Variants in NHSL1 observed in about 807,000 individuals in gnomAD.
NHSL1 encodes NHS like 1, also known as NHS-like protein 1.
In NHSL1, 48 loss-of-function variants were observed where a neutral mutation model predicts 95.0. That is an observed-to-expected ratio of 0.51 (90% confidence interval 0.40 to 0.64). NHSL1 has a LOEUF of 0.64. Ranked by LOEUF, NHSL1 falls within the 30% of genes least tolerant of loss-of-function variation. The pLI is 0.00. For missense variants in NHSL1, 1,971 were observed against 2,077.7 expected, an observed-to-expected ratio of 0.95 and a Z score of 1.00; for synonymous variants, 783 against 833.9, an observed-to-expected ratio of 0.94 and a Z score of 1.05.
intron 1 of NHSL1, among the ~76,000 whole-genome samples, chr6:138,559,046 C>G (rs532154498): frequency 1.3e-5 from 2 of 151,396 alleles, no homozygotes; most frequent in East Asian, 3.9e-4. Context: ...GAGACTCTAT[C>G]TCTTTAAAAA....
chr6:138,563,459 T>C (rs1035337042), intron 1 of NHSL1, among the ~76,000 whole-genome samples: 1 of 152,190 alleles, frequency 6.6e-6, no homozygotes, highest in Non-Finnish European at 1.5e-5. Context: ...CTTCCACAAC[T>C]GGAAATTCTA....
intron 1 of NHSL1, among the ~76,000 whole-genome samples, chr6:138,679,988 AT>A (rs915066902): frequency 2.6e-5 from 4 of 152,056 alleles, no homozygotes; most frequent in African/African-American, 9.7e-5. Flanking sequence ...CTAGGTTATG[AT>A]TTTTTTCTTC....
chr6:138,671,436 C>A (rs148126105), intron 1 of NHSL1, among the ~76,000 whole-genome samples: 41 of 146,756 alleles, frequency 2.8e-4, no homozygotes, highest in African/African-American at 1.0e-3. Flanking sequence ...GGCAACAGAG[C>A]GAGAATCTGT....
intron 2 of NHSL1, among the ~76,000 whole-genome samples, chr6:138,475,074 G>C (rs538529224): frequency 2.6e-5 from 4 of 151,866 alleles, no homozygotes; most frequent in South Asian, 4.2e-4. Flanking sequence ...GCTTGAACCC[G>C]GGAGGCAGAA....
chr6:138,445,565 A>G (rs905605877), intron 4 of NHSL1, among the ~76,000 whole-genome samples: 9 of 152,354 alleles, frequency 5.9e-5, no homozygotes, highest in African/African-American at 2.2e-4. Context: ...AATTGAAAAT[A>G]ATTCATGCAC....
chr6:138,671,406 C>T (rs1435043710), intron 1 of NHSL1, among the ~76,000 whole-genome samples: 13 of 150,658 alleles, frequency 8.6e-5, no homozygotes, highest in African/African-American at 2.2e-4. Context: ...GCCAAGATCG[C>T]GCCACTGCAC....
chr6:138,474,381 T>C (rs1778941051), intron 2 of NHSL1, among the ~76,000 whole-genome samples: 1 of 152,182 alleles, frequency 6.6e-6, no homozygotes, highest in Non-Finnish European at 1.5e-5. Context: ...TCAGAGTTCC[T>C]TTCTGACATC....
At chr6:138,635,090 A>G (rs1784870779) in intron 1 of NHSL1, among the ~76,000 whole-genome samples, 1 of 151,900 alleles carries the variant, frequency 6.6e-6, no homozygotes, top group African/African-American at 2.4e-5. Flanking sequence ...AAAAAAAAAA[A>G]ACTTCAAATA....
rs189532877 is a variant in NHSL1 at position 138,480,412 on chromosome 6, A to T, written c.212-6979T>A. ...AAAAATCCATATAAGTGGACCCTCC[A>T]AGTTCAAATGTGTTGTGTTCAAGGG... is the stretch of plus-strand genomic sequence containing the variant. On this transcript the variant is annotated intron_variant, in intron 2 of 7. Transcript: ENST00000343505. 2.6e-5 allele frequency among the ~76,000 whole-genome samples: 4 copies of T among 152,288 alleles called. No individual in the cohort carries two copies. In the East Asian group the frequency reaches 7.7e-4, roughly 29 times the overall value.
chr6:138,564,259 T>G (rs1005248008), intron 1 of NHSL1, among the ~76,000 whole-genome samples: 1 of 152,194 alleles, frequency 6.6e-6, no homozygotes, highest in African/African-American at 2.4e-5. Context: ...CTGAATGGTC[T>G]TCTGTCCTCT....
chr6:138,437,422 A>C (rs1776238249), intron 5 of NHSL1, among the ~76,000 whole-genome samples: 2 of 34,352 alleles, frequency 5.8e-5, no homozygotes, highest in African/African-American at 2.4e-4. Context: ...ATACACACAC[A>C]CACACACACA....
chr6:138,504,281 T>C (rs1198655370), upstream of NHSL1, among the ~76,000 whole-genome samples: 1 of 152,188 alleles, frequency 6.6e-6, no homozygotes, highest in Non-Finnish European at 1.5e-5. Flanking sequence ...ACGTATTCGC[T>C]GCCTTGTGTT....
intron 3 of NHSL1, among the ~76,000 whole-genome samples, chr6:138,453,754 C>T (rs2128226534): frequency 1.3e-5 from 2 of 152,052 alleles, no homozygotes; most frequent in Admixed American, 1.3e-4. Context: ...CTGCACATTG[C>T]CCAGGCTGGT....
At chr6:138,522,503 G>A (rs1244863664) in intron 1 of NHSL1, among the ~76,000 whole-genome samples, 3 of 152,156 alleles carry the variant, frequency 2.0e-5, no homozygotes, top group Non-Finnish European at 2.9e-5. Context: ...TTACTGAGCC[G>A]TGGTGGCAAG....
intron 1 of NHSL1, among the ~76,000 whole-genome samples, chr6:138,659,349 C>A (rs927511091): frequency 6.6e-6 from 1 of 152,078 alleles, no homozygotes; most frequent in Non-Finnish European, 1.5e-5. Context: ...GGTGCCCAGC[C>A]TAGACTGTAA....
intron 1 of NHSL1, among the ~76,000 whole-genome samples, chr6:138,507,303 G>A (rs1781011053): frequency 6.6e-6 from 1 of 152,194 alleles, no homozygotes; most frequent in Admixed American, 6.5e-5. Context: ...AAATAAAAGA[G>A]CTGGAAGAAA....
upstream of NHSL1, among the ~76,000 whole-genome samples, chr6:138,502,522 C>T (rs1030226928): frequency 2.6e-5 from 4 of 152,034 alleles, no homozygotes; most frequent in Admixed American, 6.6e-5. Context: ...CTATGTTGCC[C>T]GGCTGTTCTC....
At position 138,517,295 on chromosome 6, in the gene NHSL1, G is replaced by A. The variant is rs138148719; in HGVS notation, c.17-20924C>T. 6.3e-3 allele frequency among the ~76,000 whole-genome samples: 952 copies of A among 152,308 alleles called. 23 individuals carry two copies. The highest frequency in any genetic ancestry group is 0.048 in the Admixed American group (739 of 15,304). On this transcript the variant is annotated intron_variant, in intron 1 of 4. Transcript: ENST00000342260. ...ATGAATATTTCAGTTCCTGATTATT[G>A]CCTGCATTGTCAGACTGATTTTTTT...
chr6:138,662,199 TAAAC>T (rs1258210837), intron 1 of NHSL1, among the ~76,000 whole-genome samples: 1 of 151,914 alleles, frequency 6.6e-6, no homozygotes, highest in Non-Finnish European at 1.5e-5. Flanking sequence ...GTTATCTTTA[TAAAC>T]AAACAAACAA....
Sources: allele counts gnomAD v4.1 joint callset (sites outside exome capture counted in the v4.1 genomes callset), GRCh38; gene constraint gnomAD v4.1.1; transcripts MANE v1.5; gene names NCBI Gene and HGNC (gene_info 2026-07-23, HGNC 2026-07-21).